The following EPG5 variants were observed in gnomAD, a reference collection of about 807,000 sequenced individuals.
EPG5 encodes ectopic P granules protein 5 homolog.
EPG5 carries 159 observed loss-of-function variants against 302.7 expected under a neutral mutation model. The ratio of observed to expected loss-of-function variants is 0.53; its 90% CI spans 0.46 to 0.60. EPG5 has a LOEUF of 0.60. EPG5 is among the 20% of genes least tolerant of loss of function. The probability of loss-of-function intolerance (pLI) is 0.00; values close to 1 mark genes in which losing one functional copy is unlikely to be tolerated. For missense variants in EPG5, 2,896 were observed against 3,092.4 expected, an observed-to-expected ratio of 0.94 and a Z score of 1.51; for synonymous variants, 1,158 against 1,136.8, an observed-to-expected ratio of 1.02 and a Z score of -0.37.
intron 25 of EPG5, among the ~76,000 whole-genome samples, chr18:45,902,449 A>G (rs755862274): frequency 1.4e-4 from 22 of 152,242 alleles, no homozygotes; most frequent in Non-Finnish European, 3.2e-4. Flanking sequence ...CAAACCCAAT[A>G]TAAGTTACCA....
chr18:45,913,571 T>A, intron 21 of EPG5, 135 bp downstream of exon 21: 1 of 1,047,514 alleles, frequency 9.5e-7, no homozygotes, highest in Non-Finnish European at 1.4e-6. Flanking sequence ...CAGTTTTAAG[T>A]ATTGGTTTGG....
chr18:45,827,419 G>T, the EPG5 span, among the ~76,000 whole-genome samples: 1 of 152,182 alleles, frequency 6.6e-6, no homozygotes, highest in Admixed American at 6.5e-5. Context: ...CTTTTCCCAA[G>T]TTGACCTAAC....
In EPG5 at chr18:45,852,854, G is replaced by A. The variant is rs56671562; in HGVS notation, c.7558-205C>T. Among the ~76,000 whole-genome samples, 3,620 of 152,282 alleles carry A rather than the reference G, an allele frequency of 0.024. 153 individuals carry two copies. The highest frequency in any genetic ancestry group is 0.083 in the African/African-American group (3,440 of 41,552). ...GGAGGCCAGCAGCCCAAGCCTCTGT[G>A]GCCTTTGCAGCATCCCACACCCAGC... On this transcript the variant is annotated intron_variant, in intron 43 of 43. Coordinates refer to ENST00000282041, the MANE Select transcript of EPG5 (RefSeq NM_020964.3).
chr18:45,901,144 A>C lies in EPG5; in HGVS notation c.4498T>G (p.Leu1500Val), dbSNP rs201986809. ...GGCTGGGGAGCCTCATGCTTCCGCA[A>C]GTTACTTAAAACCCTTTCTTTAGCT... ...LLAKERVLSNLRKHEAPQPPL... is the reference protein window; with the variant it reads ...LLAKERVLSNVRKHEAPQPPL... The change falls in exon 26 of 44, where the codon TTG becomes GTG. Residue 1500 changes from leucine (L) to valine (V), a missense_variant. Around this residue, in one of 5 missense-constraint regions of EPG5, gnomAD observed 790 missense variants for 798.0 expected, o/e 0.99. Coordinates refer to ENST00000282041, the MANE Select transcript of EPG5 (RefSeq NM_020964.3). The C allele has an allele frequency of 1.2e-6, 2 of 1,614,060 alleles. No homozygotes were observed. Among genetic ancestry groups the C allele is most frequent in the Admixed American group, 1.7e-5 (1 of 60,012 alleles).
intron 40 of EPG5, 85 bp from the exon 41 acceptor site, chr18:45,858,867 CATG>C (rs761454434): frequency 2.9e-5 from 31 of 1,077,858 alleles, no homozygotes; most frequent in Non-Finnish European, 4.2e-5. Context: ...CTTTAAGCTT[CATG>C]ATTTTTTTTT....
At chr18:45,895,180 C>T (rs980256794) in intron 27 of EPG5, among the ~76,000 whole-genome samples, 4 of 152,072 alleles carry the variant, frequency 2.6e-5, no homozygotes, top group African/African-American at 9.7e-5. Context: ...GATATTGATG[C>T]CTAAGTTTCC....
At chr18:45,940,615 C>T (rs2050643744) in intron 9 of EPG5, among the ~76,000 whole-genome samples, 1 of 152,100 alleles carries the variant, frequency 6.6e-6, no homozygotes, top group Admixed American at 6.6e-5. Flanking sequence ...CACTAGTATC[C>T]CTGCAATTAG....
At chr18:45,966,027 CT>C (rs773211531) in intron 1 of EPG5, among the ~76,000 whole-genome samples, 3 of 149,992 alleles carry the variant, frequency 2.0e-5, no homozygotes, top group Non-Finnish European at 4.4e-5. Flanking sequence ...CGAGATTGCA[CT>C]CCAGCCTGGA....
chr18:45,857,099 GTTTATTTA>G (rs72476881), intron 42 of EPG5, among the ~76,000 whole-genome samples: 11 of 150,648 alleles, frequency 7.3e-5, no homozygotes, highest in South Asian at 2.1e-4. Context: ...TTATATTTGT[GTTTATTTA>G]TTTATTTATT....
chr18:45,831,956 T>C, the EPG5 span, among the ~76,000 whole-genome samples: 1 of 152,194 alleles, frequency 6.6e-6, no homozygotes, highest in African/African-American at 2.4e-5. Flanking sequence ...GGTCTTGAAT[T>C]CCTGACCTCA....
rs772956780 is a variant in EPG5 at position 45,870,547 on chromosome 18, G to A, written c.6225+20C>T. The A allele has an allele frequency of 6.2e-7, 1 of 1,608,190 alleles. No homozygotes were observed. Among genetic ancestry groups the A allele is most frequent in the Admixed American group, 1.7e-5 (1 of 59,820 alleles). On this transcript the variant is annotated intron_variant, in intron 36 of 43. Coordinates refer to ENST00000282041, the MANE Select transcript of EPG5 (RefSeq NM_020964.3). ...AAGCCAGATCTCTCTAGGCTGCGAT[G>A]CCGGGAATGAAGGGCTTACTTTGAA...
chr18:45,868,918 G>A (rs1369804169), intron 36 of EPG5, among the ~76,000 whole-genome samples: 1 of 151,652 alleles, frequency 6.6e-6, no homozygotes, highest in Non-Finnish European at 1.5e-5. Flanking sequence ...AGCTGGGCAT[G>A]GTGGTGGGCA....
rs571324055 is a variant in EPG5 at position 45,954,761 on chromosome 18, T to C, written c.641A>G (p.Lys214Arg). ...KHGFQTPRVK[K>R]LYPQLPAEIA... ...TTCAGCTGGCAACTGGGGATACAGT[T>C]TCTTCACTCTAGGTGTCTGAAAACC... Residue 214 changes from lysine to arginine, a missense_variant, in exon 2 of 44, where the codon AAA becomes AGA. By Grantham distance (26) the Lys-to-Arg change is conservative. Transcript: ENST00000282041. 8 of 1,613,830 alleles carry C rather than the reference T, an allele frequency of 5.0e-6. No individual in the cohort carries two copies. In the Admixed American group the frequency reaches 5.0e-5, roughly 10 times the overall value.
intron 38 of EPG5, 55 bp from the exon 39 acceptor site, chr18:45,865,814 A>G (rs889401074): frequency 1.8e-4 from 275 of 1,564,726 alleles, no homozygotes; most frequent in Non-Finnish European, 2.2e-4. Context: ...AGGAGTGTTA[A>G]CTGCATATTT....
intron 9 of EPG5, among the ~76,000 whole-genome samples, chr18:45,942,557 C>T (rs962149692): frequency 1.3e-5 from 2 of 152,050 alleles, no homozygotes; most frequent in East Asian, 3.9e-4. Flanking sequence ...GAGACGAGAT[C>T]GTGCCCACTG....
At chr18:45,884,070 A>T (rs1254600201) in intron 30 of EPG5, among the ~76,000 whole-genome samples, 7 of 152,122 alleles carry the variant, frequency 4.6e-5, no homozygotes, top group Admixed American at 3.3e-4. Flanking sequence ...TTAAAAAAGG[A>T]TGTACTAAAC....
chr18:45,879,992 A>G, intron 32 of EPG5, 83 bp downstream of exon 32: 4 of 1,430,026 alleles, frequency 2.8e-6, no homozygotes, highest in Non-Finnish European at 3.8e-6. Flanking sequence ...GATAATGCAC[A>G]AGTTTTCCAA....
At chr18:45,883,791 CAG>C (rs2049158835) in intron 30 of EPG5, among the ~76,000 whole-genome samples, 1 of 150,956 alleles carries the variant, frequency 6.6e-6, no homozygotes, top group Admixed American at 6.6e-5. Context: ...ATAGATGTAA[CAG>C]AAATACAAGT....
the EPG5 span, among the ~76,000 whole-genome samples, chr18:45,814,719 G>GA: frequency 6.6e-6 from 1 of 152,190 alleles, no homozygotes; most frequent in Non-Finnish European, 1.5e-5. Flanking sequence ...CCAAAATCCT[G>GA]AGAAATTGAA....
Sources: allele counts gnomAD v4.1 joint callset (sites outside exome capture counted in the v4.1 genomes callset), GRCh38; gene constraint gnomAD v4.1.1; regional missense constraint gnomAD v4.1.1; transcripts MANE v1.5; gene names NCBI Gene and HGNC (gene_info 2026-07-23, HGNC 2026-07-21).